The following ADCY1 variants were observed in gnomAD, a reference collection of about 807,000 sequenced individuals.
The protein encoded by ADCY1 is adenylate cyclase type 1.
ADCY1 carries 28 observed loss-of-function variants against 105.4 expected under a neutral mutation model. The observed-to-expected ratio is 0.27, with a 90% CI of 0.20 to 0.36. The LOEUF is 0.36. Among genes scored for constraint, ADCY1 ranks in the 10% least tolerant of loss-of-function variants. The pLI, the probability that ADCY1 is intolerant of heterozygous loss-of-function variation, is 1.00. For synonymous variants in ADCY1, 655 were observed against 623.8 expected, an observed-to-expected ratio of 1.05 and a Z score of -0.75; for missense variants, 977 against 1,434.2, an observed-to-expected ratio of 0.68 and a Z score of 5.15.
At chr7:45,578,218 C>T (rs1792408994) in intron 1 of ADCY1, among the ~76,000 whole-genome samples, 1 of 152,142 alleles carries the variant, frequency 6.6e-6, no homozygotes, top group Non-Finnish European at 1.5e-5. Flanking sequence ...TAGCTCCTCC[C>T]CCGGAGAAGT....
intron 8 of ADCY1, among the ~76,000 whole-genome samples, chr7:45,671,583 TTCTCTC>T (rs766335715): frequency 1.3e-5 from 2 of 151,126 alleles, no homozygotes; most frequent in Admixed American, 1.3e-4. Flanking sequence ...GCATTTGGTG[TTCTCTC>T]TCTCTCTCTC....
rs552502355 is a variant in ADCY1 at position 45,613,554 on chromosome 7, T to C, written c.908+3057T>C. The stretch of plus-strand genomic sequence containing the variant: ...AACACATACACATTATATATATATT[T>C]TCATCATATATTACATATATGATGT... On this transcript the variant is annotated intron_variant, in intron 3 of 19. Coordinates refer to ENST00000297323, the MANE Select transcript of ADCY1 (RefSeq NM_021116.4). 4.6e-5 allele frequency among the ~76,000 whole-genome samples: 7 copies of C among 152,300 alleles called. No individual in the cohort carries two copies. In the South Asian group the frequency reaches 1.4e-3, roughly 32 times the overall value.
chr7:45,578,104 C>G (rs1325434540), intron 1 of ADCY1, among the ~76,000 whole-genome samples: 2 of 152,196 alleles, frequency 1.3e-5, no homozygotes, highest in African/African-American at 2.4e-5. Flanking sequence ...TGGTTCCTCT[C>G]CTGTAAAGCC....
Position 45,657,829 on chromosome 7 carries a change from C to T in ADCY1, c.1251C>T (p.Asp417=), listed in dbSNP as rs142228376. The T allele has an allele frequency of 3.3e-4, 465 of 1,421,698 alleles. No homozygotes were observed. Among genetic ancestry groups the T allele is most frequent in the Non-Finnish European group, 3.9e-4 (413 of 1,059,866 alleles). 88.1% of individuals were successfully genotyped at this position (1,421,698 alleles called of 1,614,324 possible). A position where few individuals can be genotyped will look rare whatever the true frequency, so the allele number is the denominator to read the frequency against. Reference sequence around the variant, plus strand: ...TGGGCTTGCGCAAGTGGCAGTACGACGTGTGGTCCAATGATGTGACCTTGG... The same window carrying T: ...TGGGCTTGCGCAAGTGGCAGTACGATGTGTGGTCCAATGATGTGACCTTGG... ...GVLGLRKWQY[D]VWSNDVTLAN... Residue 417 remains aspartate (D), a synonymous_variant, in exon 6 of 20, where the codon GAC becomes GAT. Coordinates refer to ENST00000297323, the MANE Select transcript of ADCY1 (RefSeq NM_021116.4).
chr7:45,697,865 A>G (rs1784916536), intron 14 of ADCY1, among the ~76,000 whole-genome samples: 1 of 152,198 alleles, frequency 6.6e-6, no homozygotes, highest in East Asian at 1.9e-4. Flanking sequence ...CATTGTCAGA[A>G]ACAGAGCCAG....
intron 4 of ADCY1, among the ~76,000 whole-genome samples, chr7:45,645,036 G>A (rs1794623619): frequency 6.6e-6 from 1 of 152,120 alleles, no homozygotes; most frequent in Non-Finnish European, 1.5e-5. Flanking sequence ...ACACATGTGT[G>A]TATGGTATGA....
rs757286339 is a variant in ADCY1 at position 45,592,851 on chromosome 7, G to A, written c.732G>A (p.Leu244=). ...LTERSQRKAF[L]QARSCIEDRL... is the part of the protein sequence containing the mutation. ...AGCGTTCACAGAGGAAGGCGTTCCTGCAGGCCCGGAGCTGCATTGAGGACC... is the reference window on the plus strand; with the variant it reads ...AGCGTTCACAGAGGAAGGCGTTCCTACAGGCCCGGAGCTGCATTGAGGACC... Residue 244 remains leucine (L), a synonymous_variant, in exon 2 of 20, where the codon CTG becomes CTA. Coordinates refer to ENST00000297323, the MANE Select transcript of ADCY1 (RefSeq NM_021116.4). 1.2e-6 allele frequency: 2 copies of A among 1,614,222 alleles called. No homozygotes were observed. The highest frequency in any genetic ancestry group is 1.7e-6 in the Non-Finnish European group (2 of 1,180,044).
intron 4 of ADCY1, among the ~76,000 whole-genome samples, chr7:45,624,838 T>G (rs1794006749): frequency 6.6e-6 from 1 of 152,192 alleles, no homozygotes; most frequent in Non-Finnish European, 1.5e-5. Context: ...CTGGGCCTTT[T>G]CTCTCTCACC....
chr7:45,676,749 T>G (rs67404626), intron 8 of ADCY1, among the ~76,000 whole-genome samples: 24,765 of 151,972 alleles, frequency 0.16, 2,316 homozygotes, highest in African/African-American at 0.24. Flanking sequence ...CAGTGGGGCC[T>G]TGGGTGTGCC....
At position 45,657,911 on chromosome 7, in the gene ADCY1, G is replaced by A; in HGVS notation, c.1307+26G>A. The A allele has an allele frequency of 7.3e-6, 11 of 1,497,500 alleles. 1 individual carries two copies. The highest frequency in any genetic ancestry group is 1.4e-5 in the African/African-American group (1 of 72,564). 92.8% of individuals were successfully genotyped at this position (1,497,500 alleles called of 1,614,324 possible). ...GTAAGTCGGGGATGGGGTGGGGAGG[G>A]GAGGGAGGTGGGTGATGGCTGTGCA... On this transcript the variant is annotated intron_variant, in intron 6 of 19. Coordinates refer to ENST00000297323, the MANE Select transcript of ADCY1 (RefSeq NM_021116.4).
intron 4 of ADCY1, among the ~76,000 whole-genome samples, chr7:45,629,509 C>CTTT (rs34705083): frequency 6.2e-5 from 8 of 129,402 alleles, no homozygotes; most frequent in African/African-American, 1.2e-4. Flanking sequence ...GTATGCTTAA[C>CTTT]TTTTTTTTTT....
At chr7:45,604,530 A>AT (rs1193831868) in intron 2 of ADCY1, among the ~76,000 whole-genome samples, 4 of 152,114 alleles carry the variant, frequency 2.6e-5, no homozygotes, top group African/African-American at 7.2e-5. Context: ...GTTAAGATTC[A>AT]TTTTTTTGTC....
intron 14 of ADCY1, among the ~76,000 whole-genome samples, chr7:45,691,766 A>G (rs1784790378): frequency 6.6e-6 from 1 of 152,210 alleles, no homozygotes; most frequent in South Asian, 2.1e-4. Context: ...CATTATTAAC[A>G]TTTAGAGGGA....
chr7:45,588,891 GTGTA>G (rs1792819303), intron 1 of ADCY1, among the ~76,000 whole-genome samples: 3 of 151,854 alleles, frequency 2.0e-5, no homozygotes, highest in Non-Finnish European at 4.4e-5. Flanking sequence ...GTGTGTGTGT[GTGTA>G]TGTGTGTGTG....
At chr7:45,582,241 C>T (rs1324417618) in intron 1 of ADCY1, among the ~76,000 whole-genome samples, 1 of 152,210 alleles carries the variant, frequency 6.6e-6, no homozygotes, top group East Asian at 1.9e-4. Context: ...GATGTGCCAT[C>T]CTGGTCTCTG....
chr7:45,707,122 C>T (rs771643847), intron 17 of ADCY1, among the ~76,000 whole-genome samples: 5 of 152,204 alleles, frequency 3.3e-5, no homozygotes, highest in Admixed American at 6.5e-5. Context: ...CAATCTAGGA[C>T]ACCCACTGTG....
chr7:45,639,953 T>C (rs1562701694), intron 4 of ADCY1, among the ~76,000 whole-genome samples: 1 of 152,206 alleles, frequency 6.6e-6, no homozygotes, highest in Non-Finnish European at 1.5e-5. Context: ...TTCTGATCCA[T>C]GGGGACCCAA....
At position 45,622,619 on chromosome 7, in the gene ADCY1, C is replaced by A; in HGVS notation, c.909-13C>A. On this transcript the variant is annotated splice_polypyrimidine_tract_variant and intron_variant, in intron 3 of 19. Transcript: ENST00000297323. ...CTGGGAGAAGGGCAGCCTGGCACCCCTTTCTCTTGCAGCATCCTGTTTGCT... is the reference window on the plus strand; with the variant it reads ...CTGGGAGAAGGGCAGCCTGGCACCCATTTCTCTTGCAGCATCCTGTTTGCT... 6.2e-7 allele frequency: 1 copy of A among 1,609,782 alleles called. No individual in the cohort carries two copies. Among genetic ancestry groups the A allele is most frequent in the East Asian group, 2.2e-5 (1 of 44,748 alleles).
rs140445635 is a variant in ADCY1, at chr7:45,580,707, C to T, written c.639+5525C>T. On this transcript the variant is annotated intron_variant, in intron 1 of 19. Transcript: ENST00000297323. Reference sequence around the variant, plus strand: ...CGAGCGAGAGTAGTGGGGCGAGTCCCGCAAAGGCCCAAGTGGGGCAAAACC... The same window carrying T: ...CGAGCGAGAGTAGTGGGGCGAGTCCTGCAAAGGCCCAAGTGGGGCAAAACC... 1.7e-3 allele frequency among the ~76,000 whole-genome samples: 257 copies of T among 152,282 alleles called. 1 individual carries two copies. The highest frequency in any genetic ancestry group is 5.5e-3 in the African/African-American group (228 of 41,556).
Sources: allele counts gnomAD v4.1 joint callset (sites outside exome capture counted in the v4.1 genomes callset), GRCh38; gene constraint gnomAD v4.1.1; transcripts MANE v1.5; gene names NCBI Gene and HGNC (gene_info 2026-07-23, HGNC 2026-07-21).